The following LEPR variants were observed in gnomAD, a reference collection of about 807,000 sequenced individuals.
LEPR encodes the protein leptin receptor.
LEPR carries 56 observed loss-of-function variants against 114.7 expected under a neutral mutation model. That is an observed-to-expected ratio of 0.49 (90% CI 0.39 to 0.61). LEPR has a LOEUF of 0.61. Ranked by LOEUF, LEPR falls within the 20% of genes least tolerant of loss-of-function variation. The pLI, the probability that LEPR is intolerant of heterozygous loss-of-function variation, is 0.00. For synonymous variants in LEPR, 443 were observed against 461.4 expected, an observed-to-expected ratio of 0.96 and a Z score of 0.51; for missense variants, 1,202 against 1,352.9, an observed-to-expected ratio of 0.89 and a Z score of 1.75.
intron 2 of LEPR, among the ~76,000 whole-genome samples, chr1:65,558,501 G>GTTTTTTTTTTTTTTTTT (rs781558613): frequency 4.3e-5 from 1 of 23,158 alleles, no homozygotes; most frequent in Non-Finnish European, 8.2e-5. Context: ...GTTTCTTAAT[G>GTTTTTTTTTTTTTTTTT]TTTTTTTTTT....
intron 14 of LEPR, among the ~76,000 whole-genome samples, chr1:65,612,699 T>G (rs1429470601): frequency 6.6e-6 from 1 of 150,498 alleles, no homozygotes; most frequent in Non-Finnish European, 1.5e-5. Context: ...TTTATGAACT[T>G]GACACAATTG....
At chr1:65,477,124 A>G (rs1486024683) in intron 2 of LEPR, among the ~76,000 whole-genome samples, 1 of 152,146 alleles carries the variant, frequency 6.6e-6, no homozygotes, top group African/African-American at 2.4e-5. Flanking sequence ...TAATTTTAGG[A>G]TAGGTATCAC....
At chr1:65,465,052 C>T (rs967329049) in intron 2 of LEPR, among the ~76,000 whole-genome samples, 1 of 152,068 alleles carries the variant, frequency 6.6e-6, no homozygotes, top group African/African-American at 2.4e-5. Context: ...TTAGTTATTT[C>T]TTGCCTTCTG....
intron 2 of LEPR, among the ~76,000 whole-genome samples, chr1:65,523,612 T>G (rs1195589465): frequency 1.3e-5 from 2 of 152,214 alleles, no homozygotes; most frequent in Non-Finnish European, 2.9e-5. Context: ...TGCCCGGCGA[T>G]ACTTATTTTT....
chr1:65,496,563 C>T (rs2100508958), intron 2 of LEPR, among the ~76,000 whole-genome samples: 1 of 152,220 alleles, frequency 6.6e-6, no homozygotes, highest in African/African-American at 2.4e-5. Flanking sequence ...GAGTAAGACC[C>T]TCTCTCAGAA....
intron 3 of LEPR, among the ~76,000 whole-genome samples, chr1:65,566,393 G>A (rs1039062408): frequency 6.6e-6 from 1 of 151,976 alleles, no homozygotes; most frequent in Non-Finnish European, 1.5e-5. Flanking sequence ...AGTAGAGACG[G>A]GGTTTCACTG....
Position 65,641,392 on chromosome 1 carries a change from G to A in LEPR, c.*4377G>A, listed in dbSNP as rs1431440290. Reference sequence around the variant, plus strand: ...TGGTATTTTAATAAATGTTATAAACGTAAGTGCCAAGATATGCATCACTAA... The same window carrying A: ...TGGTATTTTAATAAATGTTATAAACATAAGTGCCAAGATATGCATCACTAA... On this transcript the variant is annotated 3_prime_UTR_variant, in exon 20 of 20. Transcript: ENST00000349533. 4 of 152,086 alleles carry A rather than the reference G, an allele frequency of 2.6e-5. No homozygotes were observed. Among genetic ancestry groups the A allele is most frequent in the African/African-American group, 4.8e-5 (2 of 41,428 alleles). The allele number at this position is 152,086 out of a possible 1,614,324, so 9.4% of individuals were successfully genotyped here.
chr1:65,558,516 TGAA>T (rs1557661986), intron 2 of LEPR, among the ~76,000 whole-genome samples: 212 of 65,992 alleles, frequency 3.2e-3, no homozygotes, highest in African/African-American at 4.5e-3. Context: ...TTTTTTTTTT[TGAA>T]TCAGAAGTTT....
rs546814628 is a variant in LEPR at position 65,489,954 on chromosome 1, G to A, written c.-21+64576G>A. Reference sequence around the variant, plus strand: ...AATAAGCCAAGTTTATACTTGATGCGTCCTCCATTTTCATTAGCAATAGAA... The same window carrying A: ...AATAAGCCAAGTTTATACTTGATGCATCCTCCATTTTCATTAGCAATAGAA... On this transcript the variant is annotated intron_variant, in intron 2 of 19. Transcript: ENST00000349533. 1.4e-3 allele frequency among the ~76,000 whole-genome samples: 208 copies of A among 152,072 alleles called. 3 individuals are homozygous for A. Among genetic ancestry groups the A allele is most frequent in the South Asian group, 0.012 (58 of 4,816 alleles).
intron 2 of LEPR, among the ~76,000 whole-genome samples, chr1:65,476,699 G>A (rs1214990632): frequency 6.6e-6 from 1 of 151,982 alleles, no homozygotes; most frequent in East Asian, 1.9e-4. Flanking sequence ...CTCTTTACAT[G>A]GATTACATAA....
intron 2 of LEPR, among the ~76,000 whole-genome samples, chr1:65,507,285 A>G (rs1304886665): frequency 6.6e-6 from 1 of 152,010 alleles, no homozygotes; most frequent in African/African-American, 2.4e-5. Flanking sequence ...TGCTGAAGTC[A>G]AGTGATCTGT....
intron 2 of LEPR, chr1:65,526,379 TGAAA>T (rs1292903118): frequency 2.0e-6 from 2 of 985,366 alleles, no homozygotes; most frequent in East Asian, 2.3e-4. Flanking sequence ...AACCACTTAC[TGAAA>T]GAGATTTGTA....
chr1:65,631,289 T>C (rs527452248), intron 19 of LEPR, among the ~76,000 whole-genome samples: 1 of 152,236 alleles, frequency 6.6e-6, no homozygotes, highest in African/African-American at 2.4e-5. Flanking sequence ...CCCTATTCCA[T>C]ATACAGAACT....
At chr1:65,545,273 G>A (rs1570653348) in intron 2 of LEPR, among the ~76,000 whole-genome samples, 1 of 151,510 alleles carries the variant, frequency 6.6e-6, no homozygotes, top group East Asian at 1.9e-4. Context: ...ACATACGTGT[G>A]CATGTGTCTT....
chr1:65,485,374 G>T (rs974898282), intron 2 of LEPR, among the ~76,000 whole-genome samples: 1 of 152,088 alleles, frequency 6.6e-6, no homozygotes, highest in Non-Finnish European at 1.5e-5. Flanking sequence ...TGTGCAGTAG[G>T]TGTTGTGATT....
At chr1:65,444,396 T>A (rs1157408677) in intron 2 of LEPR, among the ~76,000 whole-genome samples, 1 of 152,142 alleles carries the variant, frequency 6.6e-6, no homozygotes, top group Non-Finnish European at 1.5e-5. Flanking sequence ...TATTTCTTTC[T>A]GTAGCTTAAA....
chr1:65,610,063 T>C lies in LEPR; in HGVS notation c.1869T>C (p.Ser623=). 6.2e-7 allele frequency: 1 copy of C among 1,614,178 alleles called. No individual in the cohort carries two copies. The highest frequency in any genetic ancestry group is 1.1e-5 in the South Asian group (1 of 91,088). ...CKRLDGLGYW[S]NWSNPAYTVV... is the part of the protein sequence containing the mutation. ...GGCTAGATGGACTGGGATATTGGAG[T>C]AATTGGAGCAATCCAGCCTACACAG... is the stretch of plus-strand genomic sequence containing the variant. The change falls in exon 13 of 20, where the codon AGT becomes AGC. Residue 623 remains serine (S), a synonymous_variant. Coordinates refer to ENST00000349533, the MANE Select transcript of LEPR (RefSeq NM_002303.6).
At chr1:65,586,252 T>C (rs945123172) in intron 5 of LEPR, among the ~76,000 whole-genome samples, 4 of 143,532 alleles carry the variant, frequency 2.8e-5, no homozygotes, top group African/African-American at 1.0e-4. Flanking sequence ...ATGATGTTAG[T>C]TCCCTCAAAG....
intron 2 of LEPR, among the ~76,000 whole-genome samples, chr1:65,545,048 T>C (rs1651570893): frequency 1.3e-5 from 2 of 149,552 alleles, no homozygotes; most frequent in African/African-American, 2.5e-5. Context: ...TGAGTGAGAA[T>C]ATGCGGTGTT....
Sources: gnomAD v4.1 joint callset for allele counts (sites outside exome capture counted in the v4.1 genomes callset) on GRCh38, gnomAD v4.1.1 for gene constraint, MANE v1.5 for transcripts, NCBI Gene and HGNC (gene_info 2026-07-23, HGNC 2026-07-21) for gene names.